Variants in SDK1 observed in about 807,000 individuals in gnomAD.
SDK1 encodes the protein protein sidekick-1.
SDK1 carries 157 observed loss-of-function variants against 245.5 expected under a neutral mutation model. That is an observed-to-expected ratio of 0.64 (90% confidence interval 0.56 to 0.73). SDK1 has a LOEUF of 0.73. Ranked by LOEUF, SDK1 falls within the 30% of genes least tolerant of loss-of-function variation. SDK1 has a pLI of 0.00. For synonymous variants in SDK1, 1,647 were observed against 1,278.5 expected, an observed-to-expected ratio of 1.29 and a Z score of -6.15; for missense variants, 3,583 against 3,002.3, an observed-to-expected ratio of 1.19 and a Z score of -4.52.
chr7:3,341,291 C>G (rs552141311), intron 1 of SDK1, among the ~76,000 whole-genome samples: 1 of 152,290 alleles, frequency 6.6e-6, no homozygotes, highest in South Asian at 2.1e-4. Flanking sequence ...TAAAAAGCAT[C>G]TGACAAAATC....
chr7:3,798,436 C>T (rs1278266183), intron 4 of SDK1, among the ~76,000 whole-genome samples: 1 of 152,050 alleles, frequency 6.6e-6, no homozygotes, highest in African/African-American at 2.4e-5. Flanking sequence ...CCATGATGGT[C>T]TTGATCTCCT....
intron 4 of SDK1, among the ~76,000 whole-genome samples, chr7:3,788,247 C>G (rs1387026494): frequency 6.6e-6 from 1 of 152,230 alleles, no homozygotes; most frequent in Non-Finnish European, 1.5e-5. Flanking sequence ...CACCAGACAC[C>G]TTCATACGCA....
chr7:4,113,155 A>G, intron 23 of SDK1, 134 bp from the exon 24 acceptor site: 1 of 952,668 alleles, frequency 1.0e-6, no homozygotes, highest in Non-Finnish European at 1.6e-6. Context: ...GGTGTCCTTG[A>G]GCAATAGCCT....
At chr7:3,679,097 A>G (rs1218859906) in intron 4 of SDK1, among the ~76,000 whole-genome samples, 1 of 152,234 alleles carries the variant, frequency 6.6e-6, no homozygotes, top group Non-Finnish European at 1.5e-5. Flanking sequence ...AAAACAAAAT[A>G]AATTGAATTT....
chr7:4,088,987 C>A (rs1489945867), intron 22 of SDK1, among the ~76,000 whole-genome samples: 2 of 150,462 alleles, frequency 1.3e-5, no homozygotes, highest in African/African-American at 2.4e-5. Context: ...TGAGACCCTC[C>A]CTCAGGTGGA....
At chr7:3,853,169 A>G (rs1780460551) in intron 5 of SDK1, among the ~76,000 whole-genome samples, 1 of 152,212 alleles carries the variant, frequency 6.6e-6, no homozygotes, top group South Asian at 2.1e-4. Context: ...GTGCATAGAA[A>G]TGGACCCATA....
At chr7:3,360,089 C>T (rs1017398928) in intron 1 of SDK1, among the ~76,000 whole-genome samples, 24 of 152,120 alleles carry the variant, frequency 1.6e-4, no homozygotes, top group African/African-American at 5.3e-4. Flanking sequence ...AAGTTTTTTT[C>T]CTCTTATGTC....
At chr7:4,141,682 T>C (rs1222418067) in intron 28 of SDK1, among the ~76,000 whole-genome samples, 2 of 152,214 alleles carry the variant, frequency 1.3e-5, no homozygotes, top group Non-Finnish European at 2.9e-5. Flanking sequence ...AAGGCCCTCG[T>C]TAGTCGTCTG....
chr7:3,463,151 C>G (rs1409939275), intron 1 of SDK1, among the ~76,000 whole-genome samples: 1 of 152,160 alleles, frequency 6.6e-6, no homozygotes, highest in African/African-American at 2.4e-5. Context: ...TTCCCTGACT[C>G]CATGGAGATG....
chr7:3,828,903 C>G (rs2115070370), intron 5 of SDK1, among the ~76,000 whole-genome samples: 1 of 152,136 alleles, frequency 6.6e-6, no homozygotes, highest in African/African-American at 2.4e-5. Flanking sequence ...ATAATCCTCC[C>G]ACCTTGGCCT....
chr7:3,317,957 A>G (rs1779704021), intron 1 of SDK1, among the ~76,000 whole-genome samples: 1 of 152,196 alleles, frequency 6.6e-6, no homozygotes, highest in Non-Finnish European at 1.5e-5. Context: ...ATCAAAATGT[A>G]GTAGTGAAAG....
intron 25 of SDK1, among the ~76,000 whole-genome samples, chr7:4,125,603 G>A (rs1465677857): frequency 6.6e-6 from 1 of 152,200 alleles, no homozygotes; most frequent in Non-Finnish European, 1.5e-5. Context: ...AGAGGTGCAT[G>A]TGTGCATCCT....
chr7:3,523,705 AG>A (rs1165438908), intron 1 of SDK1, among the ~76,000 whole-genome samples: 1 of 152,212 alleles, frequency 6.6e-6, no homozygotes, highest in Non-Finnish European at 1.5e-5. Flanking sequence ...CCAGAGCACA[AG>A]AAAAACTTGT....
chr7:4,157,609 G>A (rs900505498), intron 30 of SDK1, among the ~76,000 whole-genome samples: 2 of 152,124 alleles, frequency 1.3e-5, no homozygotes, highest in African/African-American at 4.8e-5. Flanking sequence ...CATGAGTCCC[G>A]TTAAAATCTC....
At chr7:3,842,619 C>A (rs549087933) in intron 5 of SDK1, among the ~76,000 whole-genome samples, 3 of 152,258 alleles carry the variant, frequency 2.0e-5, no homozygotes, top group Admixed American at 6.5e-5. Context: ...CACTGGTATA[C>A]TGTCAGTGGA....
At chr7:3,483,454 C>T (rs1470988308) in intron 1 of SDK1, among the ~76,000 whole-genome samples, 1 of 152,084 alleles carries the variant, frequency 6.6e-6, no homozygotes. Flanking sequence ...AAATCCCTTA[C>T]TTTTTCTGAT....
intron 14 of SDK1, among the ~76,000 whole-genome samples, chr7:4,005,560 T>G (rs1785420367): frequency 6.6e-6 from 1 of 152,002 alleles, no homozygotes; most frequent in Non-Finnish European, 1.5e-5. Flanking sequence ...ACCTGTGAAA[T>G]TCAGCAGAAG....
intron 14 of SDK1, among the ~76,000 whole-genome samples, chr7:4,001,632 T>G (rs1163711103): frequency 1.3e-5 from 2 of 152,274 alleles, no homozygotes. Context: ...ATTTTAATCC[T>G]GAGCTTGTAG....
intron 1 of SDK1, among the ~76,000 whole-genome samples, chr7:3,390,904 C>T (rs1781733451): frequency 6.6e-6 from 1 of 152,114 alleles, no homozygotes; most frequent in African/African-American, 2.4e-5. Flanking sequence ...AATATGTCTT[C>T]TGACAAGTAA....
Sources: gnomAD v4.1 joint callset for allele counts (sites outside exome capture counted in the v4.1 genomes callset) on GRCh38, gnomAD v4.1.1 for gene constraint, MANE v1.5 for transcripts, NCBI Gene and HGNC (gene_info 2026-07-23, HGNC 2026-07-21) for gene names.